The following PTPRD variants were observed in gnomAD, a reference collection of about 807,000 sequenced individuals.
PTPRD encodes protein tyrosine phosphatase receptor type D, also known as receptor-type tyrosine-protein phosphatase delta.
In PTPRD, 34 loss-of-function variants were observed where a neutral mutation model predicts 214.5. The observed-to-expected ratio is 0.16, with a 90% CI of 0.12 to 0.21. The LOEUF is 0.21. PTPRD is among the 10% of genes least tolerant of loss of function. The pLI is 1.00. For synonymous variants in PTPRD, 1,128 were observed against 845.7 expected, an observed-to-expected ratio of 1.33 and a Z score of -5.79; for missense variants, 2,545 against 2,398.7, an observed-to-expected ratio of 1.06 and a Z score of -1.27.
intron 7 of PTPRD, among the ~76,000 whole-genome samples, chr9:9,612,481 G>T (rs760208175): frequency 1.3e-5 from 2 of 152,146 alleles, no homozygotes; most frequent in Admixed American, 6.5e-5. Context: ...CAGAGTGCAG[G>T]TGTGCATATA....
intron 6 of PTPRD, among the ~76,000 whole-genome samples, chr9:9,758,571 G>A (rs1447920111): frequency 4.6e-5 from 7 of 152,138 alleles, no homozygotes; most frequent in Admixed American, 3.3e-4. Context: ...ATAGAACAGT[G>A]GCTACAACCA....
intron 3 of PTPRD, among the ~76,000 whole-genome samples, chr9:10,122,291 G>C (rs1264128330): frequency 2.0e-5 from 3 of 152,044 alleles, no homozygotes; most frequent in African/African-American, 7.2e-5. Context: ...CTTGGCAATG[G>C]AGCAAAACTC....
chr9:9,450,952 C>CACACACACACACAG (rs1369435586), intron 8 of PTPRD, among the ~76,000 whole-genome samples: 32 of 137,428 alleles, frequency 2.3e-4, no homozygotes, highest in African/African-American at 8.5e-4. Flanking sequence ...TACATACATA[C>CACACACACACACAG]ACACACACAC....
At position 8,485,858 on chromosome 9, in the gene PTPRD, C is replaced by T. The variant is rs2096991853; in HGVS notation, c.2959G>A (p.Asp987Asn). The T allele has an allele frequency of 6.2e-7, 1 of 1,613,984 alleles. No individual in the cohort carries two copies. The highest frequency in any genetic ancestry group is 1.7e-5 in the Admixed American group (1 of 59,994). ...CGTACTTTTACATCGTATGTGGTAT[C>T]TGGTTTTAAGCCAGTGAGTGTCATA... ...TTMTLTGLKPDTTYDVKVRAH... is the reference protein window; with the variant it reads ...TTMTLTGLKPNTTYDVKVRAH... Residue 987 changes from aspartate (D) to asparagine (N), a missense_variant, in exon 28 of 46, where the codon GAT becomes AAT. Coordinates refer to ENST00000381196, the MANE Select transcript of PTPRD (RefSeq NM_002839.4).
At chr9:8,535,194 C>G (rs1398721397) in intron 14 of PTPRD, among the ~76,000 whole-genome samples, 3 of 151,816 alleles carry the variant, frequency 2.0e-5, no homozygotes, top group African/African-American at 7.3e-5. Flanking sequence ...TATGTACTTG[C>G]TTTATTCCAA....
intron 10 of PTPRD, among the ~76,000 whole-genome samples, chr9:9,135,493 T>C (rs908162481): frequency 2.6e-5 from 4 of 152,144 alleles, no homozygotes; most frequent in African/African-American, 9.7e-5. Flanking sequence ...ACATTGCTGT[T>C]GACTAATTCT....
intron 2 of PTPRD, among the ~76,000 whole-genome samples, chr9:10,358,789 CATTAAA>C (rs2097324758): frequency 6.6e-6 from 1 of 151,846 alleles, no homozygotes; most frequent in African/African-American, 2.4e-5. Flanking sequence ...AAATTAATAT[CATTAAA>C]ATAAGTCCAC....
At chr9:9,329,281 C>A (rs1316732712) in intron 9 of PTPRD, among the ~76,000 whole-genome samples, 3 of 151,878 alleles carry the variant, frequency 2.0e-5, no homozygotes, top group African/African-American at 4.8e-5. Context: ...CACAAAAAAA[C>A]CAAAGTCTTT....
At position 9,683,732 on chromosome 9, in the gene PTPRD, A is replaced by C. The variant is rs73641342; in HGVS notation, c.-287+50801T>G. Among the ~76,000 whole-genome samples, 408 of 151,868 alleles carry C rather than the reference A, an allele frequency of 2.7e-3. 1 individual carries two copies. Among genetic ancestry groups the C allele is most frequent in the African/African-American group, 8.9e-3 (370 of 41,498 alleles). On this transcript the variant is annotated intron_variant, in intron 7 of 45. Transcript: ENST00000381196. ...AAACTGAAAAAGCACATAAAAAGGT[A>C]AGAATTCACCTAGTGTTATTAAAAT...
chr9:10,125,855 T>C (rs1448343862), intron 3 of PTPRD, among the ~76,000 whole-genome samples: 2 of 152,104 alleles, frequency 1.3e-5, no homozygotes, highest in African/African-American at 4.8e-5. Context: ...GATATATGGA[T>C]ATAAATATGG....
intron 3 of PTPRD, among the ~76,000 whole-genome samples, chr9:10,162,181 T>C (rs1472060754): frequency 6.6e-6 from 1 of 151,488 alleles, no homozygotes; most frequent in Non-Finnish European, 1.5e-5. Flanking sequence ...GATCCAGCAA[T>C]TCCACTGCTG....
chr9:9,237,304 C>G (rs377629150), intron 9 of PTPRD, among the ~76,000 whole-genome samples: 1 of 152,128 alleles, frequency 6.6e-6, no homozygotes, highest in African/African-American at 2.4e-5. Context: ...ATGGCACACA[C>G]TTGTAATCCC....
intron 15 of PTPRD, among the ~76,000 whole-genome samples, 184 bp from the exon 16 acceptor site, chr9:8,527,537 A>G (rs1025837432): frequency 5.3e-5 from 8 of 152,054 alleles, no homozygotes; most frequent in Non-Finnish European, 7.4e-5. Flanking sequence ...GACAACAAGC[A>G]AAAGAGGCAG....
chr9:9,789,467 G>A (rs958042662), intron 5 of PTPRD, among the ~76,000 whole-genome samples: 1 of 152,108 alleles, frequency 6.6e-6, no homozygotes, highest in Non-Finnish European at 1.5e-5. Context: ...ACACTCTACT[G>A]AGGGGGAGAT....
At chr9:10,200,148 A>G (rs1254040214) in intron 3 of PTPRD, among the ~76,000 whole-genome samples, 1 of 151,928 alleles carries the variant, frequency 6.6e-6, no homozygotes, top group African/African-American at 2.4e-5. Flanking sequence ...GCTTTCTTTT[A>G]CCTCCCTCTT....
chr9:9,444,527 T>C (rs1286414177), intron 8 of PTPRD, among the ~76,000 whole-genome samples: 1 of 152,198 alleles, frequency 6.6e-6, no homozygotes, highest in Non-Finnish European at 1.5e-5. Context: ...TTGATTCAAA[T>C]GATTGCCAGT....
At chr9:9,685,308 G>C (rs545129827) in intron 7 of PTPRD, among the ~76,000 whole-genome samples, 1 of 150,764 alleles carries the variant, frequency 6.6e-6, no homozygotes, top group African/African-American at 2.4e-5. Flanking sequence ...TTTTACGTAA[G>C]AATGCAAATG....
intron 31 of PTPRD, among the ~76,000 whole-genome samples, chr9:8,469,310 G>A (rs1005879601): frequency 6.6e-6 from 1 of 151,944 alleles, no homozygotes; most frequent in Non-Finnish European, 1.5e-5. Context: ...ACTACCAAAC[G>A]GCTTTACTTC....
At chr9:10,093,255 TTAAA>T (rs1285960687) in intron 3 of PTPRD, among the ~76,000 whole-genome samples, 8 of 150,786 alleles carry the variant, frequency 5.3e-5, no homozygotes, top group Non-Finnish European at 1.0e-4. Context: ...ACAAGCAAAA[TTAAA>T]TAATCAAATT....
Sources: allele counts gnomAD v4.1 joint callset (sites outside exome capture counted in the v4.1 genomes callset), GRCh38; gene constraint gnomAD v4.1.1; transcripts MANE v1.5; gene names NCBI Gene and HGNC (gene_info 2026-07-23, HGNC 2026-07-21).